The following SLCO5A1 variants were observed in gnomAD, a reference collection of about 807,000 sequenced individuals.
The protein encoded by SLCO5A1 is organic anion transporter polypeptide-related protein 4.
SLCO5A1 carries 39 observed loss-of-function variants against 65.1 expected under a neutral mutation model. That is an observed-to-expected ratio of 0.60 (90% CI 0.46 to 0.78). SLCO5A1 has a LOEUF of 0.78. Ranked by LOEUF, SLCO5A1 falls within the 30% of genes least tolerant of loss-of-function variation. The pLI, the probability that SLCO5A1 is intolerant of heterozygous loss-of-function variation, is 0.00. For synonymous variants in SLCO5A1, 438 were observed against 415.7 expected, an observed-to-expected ratio of 1.05 and a Z score of -0.65; for missense variants, 1,029 against 1,069.4, an observed-to-expected ratio of 0.96 and a Z score of 0.53.
chr8:69,778,320 T>C (rs1818655812), intron 2 of SLCO5A1, among the ~76,000 whole-genome samples: 1 of 152,066 alleles, frequency 6.6e-6, no homozygotes, highest in Admixed American at 6.6e-5. Context: ...TTATTTTATG[T>C]CAATTTTATC....
In SLCO5A1 at chr8:69,738,038, A is replaced by C; in HGVS notation, c.1423+2T>G. 6.2e-7 allele frequency: 1 copy of C among 1,613,282 alleles called. No individual in the cohort carries two copies. Among genetic ancestry groups the C allele is most frequent in the Non-Finnish European group, 8.5e-7 (1 of 1,179,534 alleles). ...CAAGCAGCCCTAGCGGCAGTGCCTT[A>C]CCAGTGTAGATGCTGGCATTGGAGG... On this transcript the variant is annotated splice_donor_variant, in intron 5 of 9. Coordinates refer to ENST00000260126, the MANE Select transcript of SLCO5A1 (RefSeq NM_030958.3). LOFTEE classifies it high-confidence loss of function.
At chr8:69,827,650 A>T (rs1255498300) in intron 2 of SLCO5A1, among the ~76,000 whole-genome samples, 3 of 152,194 alleles carry the variant, frequency 2.0e-5, no homozygotes, top group African/African-American at 7.2e-5. Flanking sequence ...AGAAAAACGG[A>T]CAGGAAGATT....
chr8:69,765,536 T>A (rs2130868101), intron 2 of SLCO5A1, among the ~76,000 whole-genome samples: 1 of 152,266 alleles, frequency 6.6e-6, no homozygotes, highest in Non-Finnish European at 1.5e-5. Flanking sequence ...CTAACATTAG[T>A]GGATTAACCA....
chr8:69,725,464 T>G (rs373464957), intron 5 of SLCO5A1, among the ~76,000 whole-genome samples: 1 of 64,020 alleles, frequency 1.6e-5, no homozygotes, highest in East Asian at 3.6e-4. Context: ...AATAAAGATG[T>G]ATGTATGTAT....
At chr8:69,682,053 A>G (rs1813805966) in intron 7 of SLCO5A1, 131 bp downstream of exon 7, 5 of 927,548 alleles carry the variant, frequency 5.4e-6, no homozygotes, top group Non-Finnish European at 8.1e-6. Context: ...TTTTCATCAG[A>G]GGTATTTTGT....
At chr8:69,773,713 T>C (rs2130876260) in intron 2 of SLCO5A1, among the ~76,000 whole-genome samples, 1 of 152,366 alleles carries the variant, frequency 6.6e-6, no homozygotes, top group East Asian at 1.9e-4. Flanking sequence ...TCACCCCTAT[T>C]GCACACAGTC....
Position 69,825,685 on chromosome 8 carries a change from G to A in SLCO5A1, c.907+6082C>T, listed in dbSNP as rs532160710. Among the ~76,000 whole-genome samples, 604 of 151,728 alleles carry A rather than the reference G, an allele frequency of 4.0e-3. 6 individuals carry two copies. The highest frequency in any genetic ancestry group is 0.022 in the South Asian group (108 of 4,804). On this transcript the variant is annotated intron_variant, in intron 2 of 9. Transcript: ENST00000260126. ...CTCATGGGTAGGAAGAATCAATATCGTGAAAATGGCCATACTGCCCAAGGT... is the reference window on the plus strand; with the variant it reads ...CTCATGGGTAGGAAGAATCAATATCATGAAAATGGCCATACTGCCCAAGGT...
At chr8:69,790,982 A>G (rs1195586208) in intron 2 of SLCO5A1, among the ~76,000 whole-genome samples, 1 of 152,204 alleles carries the variant, frequency 6.6e-6, no homozygotes, top group Non-Finnish European at 1.5e-5. Flanking sequence ...CCATTGTACA[A>G]ACAGCATATT....
chr8:69,754,672 T>C (rs1482262698), intron 4 of SLCO5A1, among the ~76,000 whole-genome samples: 3 of 152,336 alleles, frequency 2.0e-5, no homozygotes, highest in Admixed American at 2.0e-4. Flanking sequence ...AACAGATATA[T>C]GAAATACTGA....
intron 5 of SLCO5A1, among the ~76,000 whole-genome samples, chr8:69,725,634 G>A (rs1046489556): frequency 6.6e-6 from 1 of 152,182 alleles, no homozygotes; most frequent in African/African-American, 2.4e-5. Context: ...ATGGTGGGAT[G>A]TTTGTTAGTT....
At chr8:69,738,363 T>A (rs1816654281) in intron 4 of SLCO5A1, among the ~76,000 whole-genome samples, 159 bp from the exon 5 acceptor site, 1 of 150,912 alleles carries the variant, frequency 6.6e-6, no homozygotes, top group South Asian at 2.1e-4. Context: ...GAAACCATCC[T>A]CTTTAAATAG....
chr8:69,696,953 A>G (rs1352181445), intron 6 of SLCO5A1, among the ~76,000 whole-genome samples: 7 of 152,234 alleles, frequency 4.6e-5, no homozygotes, highest in Non-Finnish European at 1.0e-4. Flanking sequence ...AAAATCTCTC[A>G]TAGCAAAAGA....
chr8:69,717,638 T>C (rs558903715), intron 5 of SLCO5A1, among the ~76,000 whole-genome samples: 3 of 152,314 alleles, frequency 2.0e-5, no homozygotes, highest in African/African-American at 4.8e-5. Context: ...AAGAAGCCAG[T>C]TGGAATTTTG....
At chr8:69,742,794 C>CTTTTTTT (rs10633803) in intron 4 of SLCO5A1, among the ~76,000 whole-genome samples, 31 of 83,186 alleles carry the variant, frequency 3.7e-4, no homozygotes, top group African/African-American at 5.4e-4. Flanking sequence ...TGAGTGGATT[C>CTTTTTTT]TTTTTTTTTT....
In SLCO5A1 at chr8:69,671,801, A is replaced by G. The variant is rs1352539303; in HGVS notation, c.*1068T>C. ...AGAACACAGATCTCCCTCCTCCTGT[A>G]TTCTAAGTGATTTTCATATCCCAGG... On this transcript the variant is annotated 3_prime_UTR_variant, in exon 10 of 10. Transcript: ENST00000260126. 6.6e-6 allele frequency: 1 copy of G among 152,194 alleles called. No individual in the cohort carries two copies. The highest frequency in any genetic ancestry group is 1.9e-4 in the East Asian group (1 of 5,200). 9.4% of individuals were successfully genotyped at this position (152,194 alleles called of 1,614,324 possible).
At chr8:69,733,002 CT>C (rs34989264) in intron 5 of SLCO5A1, among the ~76,000 whole-genome samples, 3,952 of 152,168 alleles carry the variant, frequency 0.026, 77 homozygotes, top group African/African-American at 0.051. Context: ...CCTTCTGGCC[CT>C]TTTTTTCTCA....
chr8:69,791,193 C>T (rs1819253548), intron 2 of SLCO5A1, among the ~76,000 whole-genome samples: 1 of 152,172 alleles, frequency 6.6e-6, no homozygotes, highest in Non-Finnish European at 1.5e-5. Context: ...CCCTTCCTCC[C>T]TCATTCTTGG....
intron 6 of SLCO5A1, among the ~76,000 whole-genome samples, chr8:69,690,074 C>CA (rs1330174964): frequency 2.6e-5 from 4 of 152,156 alleles, no homozygotes; most frequent in African/African-American, 9.7e-5. Context: ...AGGGGCCTCC[C>CA]ACTTATTCTA....
At chr8:69,686,824 T>C (rs1438619043) in intron 6 of SLCO5A1, among the ~76,000 whole-genome samples, 1 of 152,160 alleles carries the variant, frequency 6.6e-6, no homozygotes, top group Non-Finnish European at 1.5e-5. Flanking sequence ...TCTAATGCAG[T>C]TTTTCTCGCA....
Sources: gnomAD v4.1 joint callset for allele counts (sites outside exome capture counted in the v4.1 genomes callset) on GRCh38, gnomAD v4.1.1 for gene constraint, MANE v1.5 for transcripts, NCBI Gene and HGNC (gene_info 2026-07-23, HGNC 2026-07-21) for gene names.